Variants in ADPRHL1 observed in about 807,000 individuals in gnomAD.
ADPRHL1 encodes the protein ADP-ribosylhydrolase like 1, also known as inactive ADP-ribosyltransferase ARH2.
A neutral mutation model predicts 44.1 loss-of-function variants in ADPRHL1; 43 were observed. The ratio of observed to expected loss-of-function variants is 0.98; its 90% CI spans 0.76 to 1.26. The LOEUF (loss-of-function observed/expected upper bound fraction) is 1.26. Ranked by LOEUF, ADPRHL1 falls within the 50% of genes most tolerant of loss-of-function variation. The pLI is 0.00. For missense variants in ADPRHL1, 2,022 were observed against 2,496.9 expected, an observed-to-expected ratio of 0.81 and a Z score of 4.05; for synonymous variants, 878 against 1,017.4, an observed-to-expected ratio of 0.86 and a Z score of 2.61.
intron 1 of ADPRHL1, among the ~76,000 whole-genome samples, chr13:113,447,133 G>T (rs1249786381): frequency 6.8e-6 from 1 of 146,336 alleles, no homozygotes; most frequent in Non-Finnish European, 1.5e-5. Flanking sequence ...GTGTCTACAT[G>T]CAAGTTGTAT....
At chr13:113,447,422 T>C (rs950186786) in intron 1 of ADPRHL1, among the ~76,000 whole-genome samples, 1 of 151,706 alleles carries the variant, frequency 6.6e-6, no homozygotes, top group Non-Finnish European at 1.5e-5. Context: ...CGGTGTTGTG[T>C]GTGCATGGTG....
rs1005742672 is a variant in ADPRHL1 at position 113,409,518 on chromosome 13, G to A, written c.1062-1298C>T. The A allele has an allele frequency of 1.0e-6, 1 of 985,296 alleles. No individual in the cohort carries two copies. Among genetic ancestry groups the A allele is most frequent in the African/African-American group, 1.7e-5 (1 of 57,238 alleles). The allele number at this position is 985,296 out of a possible 1,614,324, so 61.0% of individuals were successfully genotyped here. ...GCACAATGGCACGTCCACATTTGTG[G>A]GAGAAGAGTCGGTGGCCGGATGCGG... On this transcript the variant is annotated intron_variant, in intron 7 of 7. Coordinates refer to ENST00000612156, the MANE Select transcript of ADPRHL1 (RefSeq NM_001394807.1). The surrounding 1 kb of genome is among the most constrained non-coding windows in gnomAD (Gnocchi z 4.2).
intron 3 of ADPRHL1, among the ~76,000 whole-genome samples, chr13:113,431,579 C>A (rs988008595): frequency 2.0e-5 from 3 of 152,222 alleles, no homozygotes; most frequent in Non-Finnish European, 4.4e-5. Flanking sequence ...GTGGCTCTTA[C>A]TGCCAGAGGT....
chr13:113,419,557 G>A (rs887061480), intron 7 of ADPRHL1, among the ~76,000 whole-genome samples: 3 of 152,118 alleles, frequency 2.0e-5, no homozygotes, highest in Admixed American at 6.6e-5. Flanking sequence ...CAGCATCGCT[G>A]CGCTGTAGGG....
rs775650091 is a variant in ADPRHL1, at chr13:113,444,608, G to C, written c.215-19C>G. ...CAGTAGTCTGCGGAAGAAAGGGAGG[G>C]CAGACATCAGAGCCAGCTGTGGTGT... On this transcript the variant is annotated intron_variant, in intron 1 of 7. Transcript: ENST00000612156. The C allele has an allele frequency of 2.5e-5, 41 of 1,610,886 alleles. No individual in the cohort carries two copies. Among genetic ancestry groups the C allele is most frequent in the Non-Finnish European group, 3.2e-5 (38 of 1,177,850 alleles).
chr13:113,417,952 G>A (rs555345494), intron 7 of ADPRHL1, among the ~76,000 whole-genome samples: 1 of 152,314 alleles, frequency 6.6e-6, no homozygotes, highest in South Asian at 2.1e-4. Context: ...AATTTTATCA[G>A]CTGATATTTT....
chr13:113,423,473 C>T (rs557064897), intron 6 of ADPRHL1, among the ~76,000 whole-genome samples: 9 of 152,206 alleles, frequency 5.9e-5, no homozygotes, highest in Non-Finnish European at 1.0e-4. Flanking sequence ...GGGGCTGAGC[C>T]GGCTCTGTGC....
Position 113,406,876 on chromosome 13 carries a change from G to C in ADPRHL1, c.2406C>G (p.Asp802Glu), listed in dbSNP as rs935931394. ...AATACTTCTGGGTGGCAAAGAGGGG[G>C]TCTCTCCCTGGGTCTGGGAAGCCTG... ...EGAGFPDPGR[D>E]PLFATQKYFP... is the part of the protein sequence containing the mutation. The change falls in exon 8 of 8, where the codon GAC becomes GAG. Residue 802 changes from aspartate (D) to glutamate (E), a missense_variant. By Grantham distance (45) the Asp-to-Glu change is conservative. Coordinates refer to ENST00000612156, the MANE Select transcript of ADPRHL1 (RefSeq NM_001394807.1). The C allele has an allele frequency of 1.3e-5, 16 of 1,232,222 alleles. No homozygotes were observed. The highest frequency in any genetic ancestry group is 1.6e-5 in the Non-Finnish European group (16 of 988,258). 76.3% of individuals were successfully genotyped at this position (1,232,222 alleles called of 1,614,324 possible). A position where few individuals can be genotyped will look rare whatever the true frequency, so the allele number is the denominator to read the frequency against.
chr13:113,426,804 C>T (rs549983900), intron 4 of ADPRHL1, among the ~76,000 whole-genome samples: 61 of 152,340 alleles, frequency 4.0e-4, no homozygotes, highest in African/African-American at 1.3e-3. Context: ...CTGCCTCTCA[C>T]CCGAGTCAGC....
chr13:113,427,156 T>C (rs1595546226), intron 4 of ADPRHL1, among the ~76,000 whole-genome samples: 1 of 152,268 alleles, frequency 6.6e-6, no homozygotes, highest in African/African-American at 2.4e-5. Context: ...AAACATTCCA[T>C]GAACACAAAG....
chr13:113,436,940 G>A (rs1212918796), intron 2 of ADPRHL1, among the ~76,000 whole-genome samples: 9 of 146,332 alleles, frequency 6.2e-5, no homozygotes, highest in Admixed American at 6.8e-5. Flanking sequence ...GGTGTACCCC[G>A]GGACCCAGCA....
At chr13:113,437,503 C>T (rs1010737362) in intron 2 of ADPRHL1, among the ~76,000 whole-genome samples, 2 of 152,204 alleles carry the variant, frequency 1.3e-5, no homozygotes, top group Admixed American at 6.5e-5. Flanking sequence ...CCCACTGCTG[C>T]GACCGTGCGT....
At chr13:113,444,173 T>A (rs1037461358) in intron 2 of ADPRHL1, among the ~76,000 whole-genome samples, 9 of 148,442 alleles carry the variant, frequency 6.1e-5, no homozygotes, top group African/African-American at 2.0e-4. Flanking sequence ...GAGGGGCCCC[T>A]GCCCATAGTC....
At chr13:113,411,780 C>A (rs1401568238) in intron 7 of ADPRHL1, among the ~76,000 whole-genome samples, 2 of 152,250 alleles carry the variant, frequency 1.3e-5, no homozygotes, top group Non-Finnish European at 2.9e-5. Context: ...CAGGATGACG[C>A]CCTTGGCGGG....
intron 1 of ADPRHL1, among the ~76,000 whole-genome samples, chr13:113,451,221 T>C (rs1034489492): frequency 3.9e-4 from 60 of 152,296 alleles, no homozygotes; most frequent in African/African-American, 1.3e-3. Context: ...ATTATCATAA[T>C]ATTGGAATAA....
rs186012627 is a variant in ADPRHL1, at chr13:113,448,948, C to T, written c.214+4276G>A. 1.6e-5 allele frequency: 16 copies of T among 985,518 alleles called. No individual in the cohort carries two copies. In the East Asian group the frequency reaches 1.0e-3, roughly 63 times the overall value. The allele number at this position is 985,518 out of a possible 1,614,324, so 61.0% of individuals were successfully genotyped here. Reference sequence around the variant, plus strand: ...GCCAGCTGCATACCCGAGCAATGGCCGAGCTCTCTGTGCGAGGCCGCCCCT... The same window carrying T: ...GCCAGCTGCATACCCGAGCAATGGCTGAGCTCTCTGTGCGAGGCCGCCCCT... On this transcript the variant is annotated intron_variant, in intron 1 of 7. Coordinates refer to ENST00000612156, the MANE Select transcript of ADPRHL1 (RefSeq NM_001394807.1).
intron 3 of ADPRHL1, among the ~76,000 whole-genome samples, chr13:113,430,450 T>C (rs2043998695): frequency 6.6e-6 from 1 of 152,086 alleles, no homozygotes; most frequent in Non-Finnish European, 1.5e-5. Flanking sequence ...CATGATGTAG[T>C]TTCAGAGATG....
chr13:113,416,771 A>T (rs1222608400), intron 7 of ADPRHL1, among the ~76,000 whole-genome samples: 6 of 152,240 alleles, frequency 3.9e-5, no homozygotes, highest in Non-Finnish European at 8.8e-5. Context: ...ATTTTGAATA[A>T]GCAAACAGTG....
chr13:113,441,756 C>G lies in ADPRHL1; in HGVS notation c.379+2669G>C, dbSNP rs1302403866. 6.6e-6 allele frequency among the ~76,000 whole-genome samples: 1 copy of G among 152,008 alleles called. No homozygotes were observed. The highest frequency in any genetic ancestry group is 2.4e-5 in the African/African-American group (1 of 41,380). On this transcript the variant is annotated intron_variant, in intron 2 of 7. Coordinates refer to ENST00000612156, the MANE Select transcript of ADPRHL1 (RefSeq NM_001394807.1). This position sits in a 1 kb window ranked among gnomAD's most constrained non-coding sequence, Gnocchi z 6.0. ...TGTCCCGCCACTTGGGTCCGTGTCT[C>G]TATCATGCTCCGCCCCGCCGTGTGG...
Sources: gnomAD v4.1 joint callset for allele counts (sites outside exome capture counted in the v4.1 genomes callset) on GRCh38, gnomAD v4.1.1 for gene constraint, Gnocchi (gnomAD v3.1) non-coding constraint, MANE v1.5 for transcripts, NCBI Gene and HGNC (gene_info 2026-07-23, HGNC 2026-07-21) for gene names.